Variants in ZNF385D observed in about 807,000 individuals in gnomAD.
The protein encoded by ZNF385D is zinc finger protein 385D.
In ZNF385D, 15 loss-of-function variants were observed where a neutral mutation model predicts 35.8. The observed-to-expected ratio is 0.42, with a 90% CI of 0.28 to 0.64. The LOEUF (loss-of-function observed/expected upper bound fraction) is 0.64, where lower values mean the gene tolerates loss of function less well. Ranked by LOEUF, ZNF385D falls within the 30% of genes least tolerant of loss-of-function variation. The pLI, the probability that ZNF385D is intolerant of heterozygous loss-of-function variation, is 0.23. For missense variants in ZNF385D, 474 were observed against 494.6 expected, an observed-to-expected ratio of 0.96 and a Z score of 0.39; for synonymous variants, 212 against 186.8, an observed-to-expected ratio of 1.13 and a Z score of -1.10.
chr3:22,302,915 CAG>C (rs1265588422), intron 2 of ZNF385D, among the ~76,000 whole-genome samples: 2 of 151,832 alleles, frequency 1.3e-5, no homozygotes, highest in African/African-American at 2.4e-5. Context: ...GTAATGATGA[CAG>C]GGAGTTTTCA....
intron 3 of ZNF385D, among the ~76,000 whole-genome samples, chr3:22,082,750 C>T (rs1700821153): frequency 6.6e-6 from 1 of 152,354 alleles, no homozygotes; most frequent in African/African-American, 2.4e-5. Context: ...ACTGCCTCCA[C>T]AAGTGGGTCC....
At chr3:21,681,707 AAAAC>A (rs1296538390) in intron 1 of ZNF385D, among the ~76,000 whole-genome samples, 6 of 151,002 alleles carry the variant, frequency 4.0e-5, no homozygotes, top group African/African-American at 1.5e-4. Context: ...CGAAAAAAAA[AAAAC>A]AAACAAAAAA....
intron 3 of ZNF385D, among the ~76,000 whole-genome samples, chr3:21,894,997 G>T (rs1699058030): frequency 6.6e-6 from 1 of 152,084 alleles, no homozygotes; most frequent in Non-Finnish European, 1.5e-5. Context: ...ATGATGGCAT[G>T]CATAAAGTGA....
At chr3:22,105,960 G>C (rs1054977581) in intron 3 of ZNF385D, among the ~76,000 whole-genome samples, 1 of 152,042 alleles carries the variant, frequency 6.6e-6, no homozygotes, top group Admixed American at 6.5e-5. Context: ...ATTGTATTTT[G>C]AGTAATCATA....
chr3:21,939,809 T>TCCATTCCTTTTCCAAAG (rs1701429354), intron 3 of ZNF385D, among the ~76,000 whole-genome samples: 1 of 152,180 alleles, frequency 6.6e-6, no homozygotes, highest in South Asian at 2.1e-4. Context: ...TGGAAAGCTT[T>TCCATTCCTTTTCCAAAG]TCTATCATTG....
At chr3:22,185,240 A>C (rs543474980) in intron 2 of ZNF385D, among the ~76,000 whole-genome samples, 4 of 152,188 alleles carry the variant, frequency 2.6e-5, no homozygotes, top group Non-Finnish European at 5.9e-5. Context: ...GAAACGAAAT[A>C]CTAAGAGAAC....
At chr3:22,249,236 G>C (rs899075312) in intron 2 of ZNF385D, among the ~76,000 whole-genome samples, 5 of 152,174 alleles carry the variant, frequency 3.3e-5, no homozygotes, top group Middle Eastern at 3.4e-3. Context: ...ACTAAGTTTT[G>C]GGAAGGATTT....
chr3:22,275,313 G>C (rs1001382752), intron 2 of ZNF385D, among the ~76,000 whole-genome samples: 3 of 152,086 alleles, frequency 2.0e-5, no homozygotes, highest in Non-Finnish European at 4.4e-5. Context: ...CCTTACTTCA[G>C]CCAACACCTT....
At chr3:22,128,569 TTC>T (rs1176175767) in intron 3 of ZNF385D, among the ~76,000 whole-genome samples, 1 of 152,180 alleles carries the variant, frequency 6.6e-6, no homozygotes, top group African/African-American at 2.4e-5. Context: ...TTATTTTTTA[TTC>T]TTTTTGTCTC....
At chr3:21,792,684 C>A (rs944701137) in intron 3 of ZNF385D, among the ~76,000 whole-genome samples, 3 of 152,086 alleles carry the variant, frequency 2.0e-5, no homozygotes, top group African/African-American at 7.2e-5. Flanking sequence ...AAAAAGCAGG[C>A]CCTAGACCCC....
intron 2 of ZNF385D, among the ~76,000 whole-genome samples, chr3:22,228,371 AC>A (rs897247561): frequency 4.6e-5 from 7 of 151,782 alleles, no homozygotes; most frequent in African/African-American, 1.7e-4. Flanking sequence ...CCCCCTACCA[AC>A]CCCCCATGCA....
intron 4 of ZNF385D, among the ~76,000 whole-genome samples, chr3:21,496,287 A>G (rs1269548284): frequency 6.8e-6 from 1 of 146,858 alleles, no homozygotes; most frequent in Non-Finnish European, 1.5e-5. Flanking sequence ...TTATTTACAT[A>G]TATTTATGTA....
At chr3:21,698,418 A>G (rs2067547486) in intron 1 of ZNF385D, among the ~76,000 whole-genome samples, 1 of 152,174 alleles carries the variant, frequency 6.6e-6, no homozygotes, top group Admixed American at 6.5e-5. Flanking sequence ...CAAAGTCACC[A>G]TAAAGATAAA....
At chr3:22,246,524 A>G (rs1249716034) in intron 2 of ZNF385D, among the ~76,000 whole-genome samples, 9 of 152,268 alleles carry the variant, frequency 5.9e-5, no homozygotes, top group Admixed American at 2.6e-4. Flanking sequence ...CACTTCAAAG[A>G]TATATTTTCT....
chr3:21,870,148 C>T (rs970790592), intron 3 of ZNF385D, among the ~76,000 whole-genome samples: 6 of 151,958 alleles, frequency 3.9e-5, no homozygotes, highest in East Asian at 1.9e-4. Flanking sequence ...TATATAAATG[C>T]TTCAGGAATT....
At position 21,747,210 on chromosome 3, in the gene ZNF385D, A is replaced by G. The variant is rs566647126; in HGVS notation, c.22+3685T>C. On this transcript the variant is annotated intron_variant, in intron 1 of 7. Coordinates refer to ENST00000281523, the MANE Select transcript of ZNF385D (RefSeq NM_024697.3). ...CAAGGCGAACTTGAATGATTCATTC[A>G]CACTTTCTAAATTTTGCCTGCCCTT... is the stretch of plus-strand genomic sequence containing the variant. Among the ~76,000 whole-genome samples, 13 of 152,352 alleles carry G rather than the reference A, an allele frequency of 8.5e-5. 1 individual carries two copies. In the South Asian group the frequency reaches 2.7e-3, roughly 32 times the overall value.
intron 3 of ZNF385D, among the ~76,000 whole-genome samples, chr3:21,890,930 T>C (rs1323511565): frequency 6.6e-6 from 1 of 152,176 alleles, no homozygotes; most frequent in Non-Finnish European, 1.5e-5. Flanking sequence ...TCTCCAACAG[T>C]ATTTAAGAAT....
intron 3 of ZNF385D, among the ~76,000 whole-genome samples, chr3:21,804,481 A>G (rs1307948050): frequency 6.6e-6 from 1 of 152,204 alleles, no homozygotes; most frequent in Non-Finnish European, 1.5e-5. Context: ...CAGAATTCCT[A>G]TGAACAAGAG....
intron 3 of ZNF385D, among the ~76,000 whole-genome samples, chr3:22,137,520 T>A (rs148315665): frequency 0.17 from 25,092 of 152,054 alleles, 2,654 homozygotes; most frequent in Middle Eastern, 0.25. Flanking sequence ...GTTCAACATG[T>A]GAAAATCAAT....
Sources: gnomAD v4.1 joint callset for allele counts (sites outside exome capture counted in the v4.1 genomes callset) on GRCh38, gnomAD v4.1.1 for gene constraint, MANE v1.5 for transcripts, NCBI Gene and HGNC (gene_info 2026-07-23, HGNC 2026-07-21) for gene names.